Variants in ASTN2 observed in about 807,000 individuals in gnomAD.
ASTN2 encodes astrotactin 2.
In ASTN2, 54 loss-of-function variants were observed where a neutral mutation model predicts 139.8. The observed-to-expected ratio is 0.39, with a 90% CI of 0.31 to 0.48. ASTN2 has a LOEUF of 0.48. ASTN2 is among the 20% of genes least tolerant of loss of function. The pLI, the probability that ASTN2 is intolerant of heterozygous loss-of-function variation, is 0.95. For missense variants in ASTN2, 1,565 were observed against 1,725.1 expected (o/e 0.91, Z 1.64); for synonymous variants, 756 against 719.5 (o/e 1.05, Z -0.81).
At chr9:116,653,324 G>A (rs926699456) in intron 16 of ASTN2, among the ~76,000 whole-genome samples, 1 of 152,176 alleles carries the variant, frequency 6.6e-6, no homozygotes, top group East Asian at 1.9e-4. Context: ...AGCAGGCAGG[G>A]CTCTAAACTC....
intron 7 of ASTN2, among the ~76,000 whole-genome samples, chr9:116,991,140 G>A (rs760062628): frequency 5.5e-5 from 8 of 144,398 alleles, no homozygotes; most frequent in Non-Finnish European, 9.2e-5. Flanking sequence ...CATTCATCAC[G>A]GTAGCCAAAA....
intron 10 of ASTN2, among the ~76,000 whole-genome samples, chr9:116,960,774 C>G (rs1282559486): frequency 6.6e-6 from 1 of 152,160 alleles, no homozygotes; most frequent in Non-Finnish European, 1.5e-5. Context: ...CTATACTATT[C>G]TCAGCTTACA....
chr9:117,127,410 C>G (rs997348), intron 4 of ASTN2, among the ~76,000 whole-genome samples: 30,396 of 152,076 alleles, frequency 0.2, 3,161 homozygotes, highest in Middle Eastern at 0.24. Context: ...ATCTTTATAA[C>G]TAGATCACAC....
chr9:116,464,599 T>C (rs1230363687), intron 20 of ASTN2, among the ~76,000 whole-genome samples: 1 of 152,190 alleles, frequency 6.6e-6, no homozygotes, highest in Non-Finnish European at 1.5e-5. Context: ...TCCCTGAGTA[T>C]TGAGTATTCA....
intron 5 of ASTN2, among the ~76,000 whole-genome samples, chr9:117,093,761 C>CA: frequency 6.6e-6 from 1 of 152,184 alleles, no homozygotes; most frequent in East Asian, 1.9e-4. Context: ...TATTCAACAA[C>CA]AAAAAATTAT....
chr9:116,612,922 A>G (rs1223897372), intron 19 of ASTN2: 2 of 152,022 alleles, frequency 1.3e-5, no homozygotes, highest in Non-Finnish European at 2.9e-5. Flanking sequence ...CAAAAAATCA[A>G]TGAATCCAGG....
chr9:116,933,811 G>A (rs944092354), intron 10 of ASTN2, among the ~76,000 whole-genome samples: 1 of 151,844 alleles, frequency 6.6e-6, no homozygotes, highest in Non-Finnish European at 1.5e-5. Context: ...AGGATGATGT[G>A]GATGGCCTGT....
In ASTN2 at chr9:116,559,227, C is replaced by T. The variant is rs112161747; in HGVS notation, c.3355+59097G>A. On this transcript the variant is annotated intron_variant, in intron 19 of 22. Transcript: ENST00000313400. ...ACTCCACTCTGGGGCATTTGTTACA[C>T]TGTAAATCCCTTGCCCTAACCTTAT... 1.7e-3 allele frequency among the ~76,000 whole-genome samples: 258 copies of T among 152,316 alleles called. 1 individual carries two copies. The highest frequency in any genetic ancestry group is 7.5e-3 in the South Asian group (36 of 4,832).
intron 16 of ASTN2, among the ~76,000 whole-genome samples, chr9:116,709,362 T>G (rs991361382): frequency 6.6e-6 from 1 of 152,216 alleles, no homozygotes; most frequent in African/African-American, 2.4e-5. Flanking sequence ...GTTTCTCCAC[T>G]TTATAGATGG....
intron 13 of ASTN2, among the ~76,000 whole-genome samples, chr9:116,766,857 A>G (rs1829824296): frequency 6.6e-6 from 1 of 151,722 alleles, no homozygotes; most frequent in Non-Finnish European, 1.5e-5. Flanking sequence ...ACATATCTTC[A>G]TACTCACACA....
intron 5 of ASTN2, among the ~76,000 whole-genome samples, chr9:117,065,538 AC>A (rs1195406341): frequency 6.6e-6 from 1 of 152,036 alleles, no homozygotes; most frequent in Non-Finnish European, 1.5e-5. Flanking sequence ...TTTTTTAGTT[AC>A]CTGTCTCTCT....
At chr9:116,633,171 T>C (rs1350146010) in intron 17 of ASTN2, among the ~76,000 whole-genome samples, 1 of 152,228 alleles carries the variant, frequency 6.6e-6, no homozygotes, top group Non-Finnish European at 1.5e-5. Flanking sequence ...AGACCAATTA[T>C]GAGCAATAGG....
chr9:116,827,313 CAAAA>C (rs141242698), intron 11 of ASTN2, among the ~76,000 whole-genome samples: 8 of 79,458 alleles, frequency 1.0e-4, no homozygotes, highest in South Asian at 8.8e-4. Context: ...CCATCCCCCC[CAAAA>C]AAAAAAAAAA....
At chr9:117,284,288 A>G (rs911895293) in intron 2 of ASTN2, among the ~76,000 whole-genome samples, 4 of 152,146 alleles carry the variant, frequency 2.6e-5, no homozygotes, top group Admixed American at 6.5e-5. Flanking sequence ...TATTTTTGCT[A>G]TAGACAGGGT....
chr9:116,945,188 T>A (rs1835356470), intron 10 of ASTN2, among the ~76,000 whole-genome samples: 2 of 152,156 alleles, frequency 1.3e-5, no homozygotes, highest in Admixed American at 1.3e-4. Flanking sequence ...AAAGGTGAAC[T>A]TTTCCAGAAG....
At chr9:117,227,489 T>C (rs932134453) in intron 2 of ASTN2, among the ~76,000 whole-genome samples, 18 of 152,140 alleles carry the variant, frequency 1.2e-4, no homozygotes, top group African/African-American at 4.3e-4. Flanking sequence ...GATGGATGGA[T>C]GGATGAATGG....
At chr9:116,577,750 T>C (rs1268672154) in intron 19 of ASTN2, among the ~76,000 whole-genome samples, 2 of 152,154 alleles carry the variant, frequency 1.3e-5, no homozygotes, top group Non-Finnish European at 2.9e-5. Flanking sequence ...GGATTGATGG[T>C]CCCTATTTTA....
At chr9:116,884,640 C>G (rs1000851414) in intron 10 of ASTN2, among the ~76,000 whole-genome samples, 5 of 152,014 alleles carry the variant, frequency 3.3e-5, no homozygotes, top group African/African-American at 1.2e-4. Flanking sequence ...CCACTGCACT[C>G]CAGCCTGGGT....
At chr9:117,114,354 C>T (rs1218625570) in intron 4 of ASTN2, among the ~76,000 whole-genome samples, 1 of 152,090 alleles carries the variant, frequency 6.6e-6, no homozygotes, top group Non-Finnish European at 1.5e-5. Context: ...CTCACTTCTC[C>T]TCTGCATTTC....
Sources: allele counts gnomAD v4.1 joint callset (sites outside exome capture counted in the v4.1 genomes callset), GRCh38; gene constraint gnomAD v4.1.1; transcripts MANE v1.5; gene names NCBI Gene and HGNC (gene_info 2026-07-23, HGNC 2026-07-21).